Variants in ARMH4 observed in about 807,000 individuals in gnomAD.
ARMH4 encodes the protein armadillo like helical domain containing 4, also known as armadillo-like helical domain-containing protein 4.
In ARMH4, 49 loss-of-function variants were observed where a neutral mutation model predicts 61.9. That is an observed-to-expected ratio of 0.79 (90% CI 0.63 to 1.00). ARMH4 has a LOEUF of 1.00. Ranked by LOEUF, ARMH4 falls within the 50% of genes least tolerant of loss-of-function variation. The probability of loss-of-function intolerance (pLI) is 0.00; values close to 1 mark genes in which losing one functional copy is unlikely to be tolerated. For synonymous variants in ARMH4, 368 were observed against 341.5 expected (o/e 1.08, Z -0.85); for missense variants, 934 against 930.0 (o/e 1.00, Z -0.06).
chr14:58,084,786 C>G (rs1156430069), intron 5 of ARMH4, among the ~76,000 whole-genome samples: 2 of 152,186 alleles, frequency 1.3e-5, no homozygotes, highest in African/African-American at 4.8e-5. Flanking sequence ...AAGTTCTTCA[C>G]ATGAATTGAA....
At chr14:58,086,156 A>T (rs954787580) in intron 5 of ARMH4, among the ~76,000 whole-genome samples, 1 of 152,198 alleles carries the variant, frequency 6.6e-6, no homozygotes, top group Non-Finnish European at 1.5e-5. Flanking sequence ...CAACCACTCC[A>T]TGAGAGTGCC....
At chr14:58,099,661 A>T (rs1275692717) in intron 4 of ARMH4, among the ~76,000 whole-genome samples, 1 of 152,216 alleles carries the variant, frequency 6.6e-6, no homozygotes, top group East Asian at 1.9e-4. Context: ...GGAGAGAGAC[A>T]CAGGGTCAAG....
intron 5 of ARMH4, among the ~76,000 whole-genome samples, chr14:58,075,536 A>C (rs1005855779): frequency 4.6e-5 from 7 of 152,230 alleles, no homozygotes; most frequent in Middle Eastern, 3.4e-3. Context: ...TCTCACTCAT[A>C]AGTGGGAGTT....
Position 58,003,512 on chromosome 14 carries a change from C to T in ARMH4, c.*1224G>A, listed in dbSNP as rs1882050520. 1.3e-5 allele frequency: 2 copies of T among 152,196 alleles called. No homozygotes were observed. The highest frequency in any genetic ancestry group is 4.8e-5 in the African/African-American group (2 of 41,452). The allele number at this position is 152,196 out of a possible 1,614,324, so 9.4% of individuals were successfully genotyped here. On this transcript the variant is annotated 3_prime_UTR_variant, in exon 8 of 8. Coordinates refer to ENST00000267485, the MANE Select transcript of ARMH4 (RefSeq NM_001001872.4). ...ATAAATAACTTTTATTCTTCCATGGCAATGAGCCAAGCCTTTACCCCAAAA... is the reference window on the plus strand; with the variant it reads ...ATAAATAACTTTTATTCTTCCATGGTAATGAGCCAAGCCTTTACCCCAAAA...
chr14:58,027,636 C>CTGTGTG lies in ARMH4; in HGVS notation c.2090-15492_2090-15487dup, dbSNP rs34624198. Among the ~76,000 whole-genome samples, 11 of 151,440 alleles carry CTGTGTG rather than the reference C, an allele frequency of 7.3e-5. No homozygotes were observed. The East Asian group carries it at 1.6e-3, about 21-fold the overall frequency. ...TATCTATTAACATCTACACAGTTAC[C>CTGTGTG]TGTGTGTGTGTGTGTGCTGAGAAAA... On this transcript the variant is annotated intron_variant, in intron 5 of 7. Coordinates refer to ENST00000267485, the MANE Select transcript of ARMH4 (RefSeq NM_001001872.4).
intron 5 of ARMH4, among the ~76,000 whole-genome samples, chr14:58,094,870 T>C (rs1885696377): frequency 6.6e-6 from 1 of 151,912 alleles, no homozygotes; most frequent in Non-Finnish European, 1.5e-5. Flanking sequence ...GTGATGGGGG[T>C]TGCATGGGTG....
intron 4 of ARMH4, among the ~76,000 whole-genome samples, chr14:58,113,788 T>C (rs757440572): frequency 1.3e-5 from 2 of 152,018 alleles, no homozygotes; most frequent in African/African-American, 2.4e-5. Context: ...TAACCTGTCA[T>C]TGAGGCTTTT....
At chr14:58,051,814 G>A (rs1884151362) in intron 5 of ARMH4, among the ~76,000 whole-genome samples, 1 of 152,142 alleles carries the variant, frequency 6.6e-6, no homozygotes, top group Non-Finnish European at 1.5e-5. Flanking sequence ...CTTTGCATCA[G>A]GAAGAACAAG....
intron 4 of ARMH4, among the ~76,000 whole-genome samples, chr14:58,129,495 G>T (rs1887014627): frequency 6.6e-6 from 1 of 152,122 alleles, no homozygotes; most frequent in Non-Finnish European, 1.5e-5. Flanking sequence ...AGTAATACAG[G>T]GTTCTAGATA....
chr14:58,151,727 G>A (rs1887930764), intron 1 of ARMH4, among the ~76,000 whole-genome samples: 1 of 152,234 alleles, frequency 6.6e-6, no homozygotes, highest in African/African-American at 2.4e-5. Flanking sequence ...GAAAGAGAAA[G>A]AAAAGCCCAC....
At chr14:58,150,890 C>A (rs964271038) in intron 1 of ARMH4, among the ~76,000 whole-genome samples, 1 of 152,160 alleles carries the variant, frequency 6.6e-6, no homozygotes, top group Admixed American at 6.5e-5. Context: ...TACTGGCATA[C>A]GTGCCGAAGT....
chr14:58,082,932 A>C (rs1885272484), intron 5 of ARMH4, among the ~76,000 whole-genome samples: 1 of 152,190 alleles, frequency 6.6e-6, no homozygotes, highest in Non-Finnish European at 1.5e-5. Flanking sequence ...ACATAATTTG[A>C]AATGGAAGAA....
intron 5 of ARMH4, among the ~76,000 whole-genome samples, chr14:58,045,454 C>T (rs914525950): frequency 3.3e-5 from 5 of 151,932 alleles, no homozygotes; most frequent in Non-Finnish European, 7.4e-5. Flanking sequence ...ACACACCGGG[C>T]CCTGTTGTGG....
At chr14:58,055,735 A>G (rs1396856316) in intron 5 of ARMH4, among the ~76,000 whole-genome samples, 1 of 152,216 alleles carries the variant, frequency 6.6e-6, no homozygotes, top group African/African-American at 2.4e-5. Flanking sequence ...TCAAATGCTC[A>G]ACAGAATTTG....
At chr14:58,145,048 C>A (rs1056844938) in intron 1 of ARMH4, among the ~76,000 whole-genome samples, 1 of 152,116 alleles carries the variant, frequency 6.6e-6, no homozygotes, top group Non-Finnish European at 1.5e-5. Context: ...GATAGCTGCC[C>A]CTTCCTAAAC....
At chr14:58,135,060 ATTTG>A (rs1011877282) in intron 2 of ARMH4, among the ~76,000 whole-genome samples, 8 of 151,872 alleles carry the variant, frequency 5.3e-5, no homozygotes, top group African/African-American at 1.9e-4. Context: ...AATAATGTGT[ATTTG>A]TTTGTTTTTC....
Position 58,002,216 on chromosome 14 carries a change from T to G in ARMH4, c.*2520A>C, listed in dbSNP as rs1882008794. On this transcript the variant is annotated 3_prime_UTR_variant, in exon 8 of 8. Coordinates refer to ENST00000267485, the MANE Select transcript of ARMH4 (RefSeq NM_001001872.4). ...ACCTTTTCTGATCCTCTTAATAATCTAAGCCAACCACTGAAAATCATTATT... is the reference window on the plus strand; with the variant it reads ...ACCTTTTCTGATCCTCTTAATAATCGAAGCCAACCACTGAAAATCATTATT... The G allele has an allele frequency of 6.6e-6, 1 of 152,142 alleles. No individual in the cohort carries two copies. Among genetic ancestry groups the G allele is most frequent in the Non-Finnish European group, 1.5e-5 (1 of 68,028 alleles). 9.4% of individuals were successfully genotyped at this position (152,142 alleles called of 1,614,324 possible). A position where few individuals can be genotyped will look rare whatever the true frequency, so the allele number is the denominator to read the frequency against.
intron 5 of ARMH4, among the ~76,000 whole-genome samples, chr14:58,042,300 C>T (rs1047369041): frequency 7.9e-5 from 12 of 152,314 alleles, no homozygotes; most frequent in African/African-American, 2.6e-4. Flanking sequence ...GAAACTCACT[C>T]AAAACTGCTC....
intron 5 of ARMH4, among the ~76,000 whole-genome samples, chr14:58,019,411 A>T (rs75262782): frequency 0.012 from 1,820 of 152,214 alleles, 33 homozygotes; most frequent in East Asian, 0.08. Flanking sequence ...GTCAATTAAA[A>T]ACTAATTTTT....
Sources: gnomAD v4.1 joint callset for allele counts (sites outside exome capture counted in the v4.1 genomes callset) on GRCh38, gnomAD v4.1.1 for gene constraint, MANE v1.5 for transcripts, NCBI Gene and HGNC (gene_info 2026-07-23, HGNC 2026-07-21) for gene names.